Variants in ESYT2 observed in about 807,000 individuals in gnomAD.
ESYT2 encodes extended synaptotagmin-2.
ESYT2 carries 54 observed loss-of-function variants against 107.2 expected under a neutral mutation model. The observed-to-expected ratio is 0.50, with a 90% confidence interval of 0.40 to 0.63. The LOEUF is 0.63. Ranked by LOEUF, ESYT2 falls within the 30% of genes least tolerant of loss-of-function variation. The pLI, the probability that ESYT2 is intolerant of heterozygous loss-of-function variation, is 0.00. For missense variants in ESYT2, 1,020 were observed against 1,094.5 expected, an observed-to-expected ratio of 0.93 and a Z score of 0.96; for synonymous variants, 491 against 434.1, an observed-to-expected ratio of 1.13 and a Z score of -1.63.
chr7:158,739,346 CTTTTGT>C (rs1231563003), intron 18 of ESYT2, among the ~76,000 whole-genome samples: 3 of 152,192 alleles, frequency 2.0e-5, no homozygotes, highest in South Asian at 2.1e-4. Context: ...GACATTATTT[CTTTTGT>C]TTTTGTTTTT....
intron 13 of ESYT2, 44 bp downstream of exon 13, chr7:158,759,442 G>A: frequency 1.0e-5 from 15 of 1,482,380 alleles, no homozygotes; most frequent in Non-Finnish European, 1.4e-5. Context: ...AAGAGCAGCT[G>A]CTAGGAAATA....
At chr7:158,740,550 T>C (rs568526472) in intron 18 of ESYT2, among the ~76,000 whole-genome samples, 1 of 152,276 alleles carries the variant, frequency 6.6e-6, no homozygotes, top group East Asian at 1.9e-4. Context: ...GCAGCGCCCT[T>C]CCTTCCATTT....
At chr7:158,747,960 A>G (rs1418968598) in intron 16 of ESYT2, among the ~76,000 whole-genome samples, 1 of 152,258 alleles carries the variant, frequency 6.6e-6, no homozygotes, top group Non-Finnish European at 1.5e-5. Flanking sequence ...GACATACCGC[A>G]TAATTCTATT....
At chr7:158,763,724 G>A (rs370811187) in intron 9 of ESYT2, among the ~76,000 whole-genome samples, 5 of 152,146 alleles carry the variant, frequency 3.3e-5, no homozygotes, top group Non-Finnish European at 5.9e-5. Context: ...CCTGGATTGC[G>A]TCTCAATAGA....
chr7:158,818,299 C>G (rs572657375), intron 1 of ESYT2, among the ~76,000 whole-genome samples: 39 of 152,272 alleles, frequency 2.6e-4, no homozygotes, highest in African/African-American at 8.7e-4. Context: ...AAGGAAGATA[C>G]AGAGCAAATC....
chr7:158,777,889 G>A (rs986505292), intron 6 of ESYT2, among the ~76,000 whole-genome samples: 3 of 152,280 alleles, frequency 2.0e-5, no homozygotes, highest in South Asian at 2.1e-4. Flanking sequence ...GAGAATTGCC[G>A]AAACATGACA....
intron 17 of ESYT2, among the ~76,000 whole-genome samples, chr7:158,743,286 G>T (rs1837275358): frequency 6.6e-6 from 1 of 152,162 alleles, no homozygotes; most frequent in African/African-American, 2.4e-5. Context: ...GTAGCCGTGG[G>T]CCTGCTCGGG....
At chr7:158,802,963 C>A (rs114721723) in intron 1 of ESYT2, among the ~76,000 whole-genome samples, 1,784 of 152,330 alleles carry the variant, frequency 0.012, 33 homozygotes, top group African/African-American at 0.041. Flanking sequence ...CTGCATAACC[C>A]TTTAGGCACT....
At chr7:158,734,573 A>C in intron 21 of ESYT2, 102 bp from the exon 22 acceptor site, 2 of 1,061,744 alleles carry the variant, frequency 1.9e-6, no homozygotes, top group Admixed American at 2.3e-5. Context: ...AGGATCTCTT[A>C]AGCCCAAGAG....
chr7:158,743,999 G>A, intron 16 of ESYT2: 1 of 220,060 alleles, frequency 4.5e-6, no homozygotes, highest in South Asian at 6.7e-5. Context: ...GCTTGAACCT[G>A]GGAGGAGGCG....
chr7:158,825,073 A>T (rs1488421848), intron 1 of ESYT2, among the ~76,000 whole-genome samples: 1 of 152,182 alleles, frequency 6.6e-6, no homozygotes, highest in African/African-American at 2.4e-5. Flanking sequence ...CTGGTGGATC[A>T]CCTGAGGTCA....
Position 158,734,440 on chromosome 7 carries a change from G to C in ESYT2, c.2537C>G (p.Ala846Gly). 4 of 1,613,960 alleles carry C rather than the reference G, an allele frequency of 2.5e-6. No individual in the cohort carries two copies. The highest frequency in any genetic ancestry group is 3.4e-6 in the Non-Finnish European group (4 of 1,179,934). The change falls in exon 22 of 23, where the codon GCC becomes GGC. Residue 846 changes from alanine to glycine, a missense_variant. Ala to Gly is a moderately conservative substitution (Grantham distance 60, BLOSUM62 0). Coordinates refer to ENST00000275418, the MANE Select transcript of ESYT2 (RefSeq NM_001367773.1). ...CACTCACCACTGGGTCCAGCCTTTG[G>C]CAAGTTCTTCAGATGCCAGAGCAAC... ...VLVALASEEL[A>G]KGWTQWYDLT...
chr7:158,734,563 AG>A, intron 21 of ESYT2, 92 bp from the exon 22 acceptor site: 1 of 1,173,656 alleles, frequency 8.5e-7, no homozygotes, highest in Non-Finnish European at 1.2e-6. Flanking sequence ...CCAAGATGGG[AG>A]GATCTCTTAA....
chr7:158,771,321 T>C (rs1838361402), intron 7 of ESYT2, among the ~76,000 whole-genome samples: 1 of 152,252 alleles, frequency 6.6e-6, no homozygotes, highest in African/African-American at 2.4e-5. Flanking sequence ...TACACTGATG[T>C]GTGTGGATGT....
At chr7:158,812,806 A>T (rs1191469547) in intron 1 of ESYT2, among the ~76,000 whole-genome samples, 2 of 152,220 alleles carry the variant, frequency 1.3e-5, no homozygotes, top group Non-Finnish European at 2.9e-5. Flanking sequence ...AAACTAAGCT[A>T]ACTGAAAGAA....
chr7:158,750,706 T>C (rs940277407), intron 14 of ESYT2, among the ~76,000 whole-genome samples: 1 of 152,152 alleles, frequency 6.6e-6, no homozygotes, highest in Non-Finnish European at 1.5e-5. Flanking sequence ...AGAATACTAA[T>C]TTCCCCCCTA....
intron 19 of ESYT2, among the ~76,000 whole-genome samples, chr7:158,738,042 A>G (rs1002723001): frequency 6.6e-6 from 1 of 152,138 alleles, no homozygotes; most frequent in Non-Finnish European, 1.5e-5. Context: ...CAGGAATTAG[A>G]GACCAGCGTC....
At chr7:158,761,395 C>T (rs112709510) in intron 11 of ESYT2, 101 bp downstream of exon 11, 23,452 of 956,860 alleles carry the variant, frequency 0.025, 376 homozygotes, top group Non-Finnish European at 0.031. Context: ...ATTAGGATTC[C>T]GGCACTGTGT....
At chr7:158,751,043 A>G (rs4548125) in intron 14 of ESYT2, among the ~76,000 whole-genome samples, 18,026 of 152,230 alleles carry the variant, frequency 0.12, 1,147 homozygotes, top group East Asian at 0.23. Flanking sequence ...TGTTCCTAGA[A>G]ATTGACTGCA....
Sources: allele counts gnomAD v4.1 joint callset (sites outside exome capture counted in the v4.1 genomes callset), GRCh38; gene constraint gnomAD v4.1.1; transcripts MANE v1.5; gene names NCBI Gene and HGNC (gene_info 2026-07-23, HGNC 2026-07-21).